DNAH7: variants seen among roughly 807,000 people sequenced by gnomAD.
DNAH7 encodes the protein axonemal beta dynein heavy chain 7.
Under a neutral mutation model 444.6 loss-of-function variants are expected in DNAH7, and 397 were observed. The ratio of observed to expected loss-of-function variants is 0.89; its 90% CI spans 0.82 to 0.97. The LOEUF is 0.97. Among genes scored for constraint, DNAH7 ranks in the 50% least tolerant of loss-of-function variants. The pLI, the probability that DNAH7 is intolerant of heterozygous loss-of-function variation, is 0.00. For missense variants in DNAH7, 4,902 were observed against 4,800.8 expected (o/e 1.02, Z -0.62); for synonymous variants, 1,636 against 1,624.4 (o/e 1.01, Z -0.17).
chr2:196,015,104 A>G (rs1694936041), intron 9 of DNAH7, among the ~76,000 whole-genome samples: 1 of 152,146 alleles, frequency 6.6e-6, no homozygotes, highest in Admixed American at 6.5e-5. Flanking sequence ...GCTGGATTCA[A>G]GTGTTACCTG....
intron 47 of DNAH7, among the ~76,000 whole-genome samples, chr2:195,835,251 A>T (rs1448694079): frequency 6.6e-6 from 1 of 152,130 alleles, no homozygotes; most frequent in Non-Finnish European, 1.5e-5. Context: ...TTCAAAAGTG[A>T]GCAGAGCATG....
At chr2:195,748,196 C>T (rs1693546069) in intron 63 of DNAH7, among the ~76,000 whole-genome samples, 1 of 152,066 alleles carries the variant, frequency 6.6e-6, no homozygotes, top group African/African-American at 2.4e-5. Context: ...CAATAACAGA[C>T]AAACAGAGAG....
chr2:195,837,345 G>A (rs1698425425), intron 47 of DNAH7, among the ~76,000 whole-genome samples: 1 of 152,154 alleles, frequency 6.6e-6, no homozygotes, highest in African/African-American at 2.4e-5. Flanking sequence ...TAACCAAGAT[G>A]GGCTGGGCTT....
At chr2:196,026,994 T>C in intron 6 of DNAH7, 54 bp from the exon 7 acceptor site, 3 of 1,391,958 alleles carry the variant, frequency 2.2e-6, no homozygotes, top group Admixed American at 2.4e-5. Context: ...AGTATGTTTA[T>C]CAAAAATAAA....
intron 10 of DNAH7, among the ~76,000 whole-genome samples, chr2:196,002,933 G>A (rs374103965): frequency 6.6e-6 from 1 of 151,788 alleles, no homozygotes; most frequent in East Asian, 1.9e-4. Context: ...GCTTGAACCT[G>A]GGAAGCAGAA....
Position 195,936,736 on chromosome 2 carries a change from T to C in DNAH7, c.3135A>G (p.Lys1045=), listed in dbSNP as rs1200783713. The change falls in exon 20 of 65, where the codon AAA becomes AAG. Residue 1045 remains lysine (K), a synonymous_variant. Coordinates refer to ENST00000312428, the MANE Select transcript of DNAH7 (RefSeq NM_018897.3). The part of the protein sequence containing the change: ...TIDRMLERLK[K]SNELLELILK... ...GAATGAGCTCCAAAAGTTCATTAGA[T>C]TTTTTCAGCCTTTCCAGCATTCTGT... The C allele has an allele frequency of 1.1e-5, 17 of 1,599,408 alleles. No homozygotes were observed. The highest frequency in any genetic ancestry group is 1.3e-5 in the African/African-American group (1 of 74,362).
chr2:195,827,481 G>T (rs1449751277), intron 48 of DNAH7, among the ~76,000 whole-genome samples: 1 of 152,038 alleles, frequency 6.6e-6, no homozygotes, highest in Non-Finnish European at 1.5e-5. Context: ...GCTTCACCAT[G>T]TTGTTGCCCA....
chr2:195,896,363 T>A (rs1158888897), intron 29 of DNAH7, among the ~76,000 whole-genome samples: 1 of 152,190 alleles, frequency 6.6e-6, no homozygotes, highest in Non-Finnish European at 1.5e-5. Flanking sequence ...AAGAGTAGTT[T>A]TTTTTTTTCA....
intron 49 of DNAH7, among the ~76,000 whole-genome samples, chr2:195,821,112 C>G (rs1697447487): frequency 6.6e-6 from 1 of 151,286 alleles, no homozygotes; most frequent in Admixed American, 6.6e-5. Flanking sequence ...GGAGCCATCA[C>G]TCTCCCTCCT....
At chr2:195,895,429 C>T (rs1032271763) in intron 29 of DNAH7, among the ~76,000 whole-genome samples, 1 of 151,802 alleles carries the variant, frequency 6.6e-6, no homozygotes, top group African/African-American at 2.4e-5. Context: ...GTTCGTTTTG[C>T]AAACAGTTTT....
In DNAH7 at chr2:195,888,447, A is replaced by G. The variant is rs189918590; in HGVS notation, c.5230-13T>C. 36 of 1,577,548 alleles carry G rather than the reference A, an allele frequency of 2.3e-5. No individual in the cohort carries two copies. In the Admixed American group the frequency reaches 7.0e-4, roughly 31 times the overall value. ...CACATCTGGAAACCTGGAAAGCCAT[A>G]ATTGGTTACCATCAAGGTAATAATG... On this transcript the variant is annotated splice_polypyrimidine_tract_variant and intron_variant, in intron 32 of 64. Transcript: ENST00000312428.
intron 58 of DNAH7, among the ~76,000 whole-genome samples, chr2:195,785,747 T>C (rs1042863534): frequency 2.0e-5 from 3 of 152,164 alleles, no homozygotes; most frequent in Non-Finnish European, 2.9e-5. Flanking sequence ...CATACCTGCA[T>C]ACTTTTAACT....
chr2:195,770,752 C>T (rs749038428), intron 61 of DNAH7, among the ~76,000 whole-genome samples: 1 of 152,042 alleles, frequency 6.6e-6, no homozygotes, highest in Non-Finnish European at 1.5e-5. Context: ...GACACAGGGT[C>T]TCACTCTGTT....
At chr2:195,874,822 AAAAC>A (rs1012428110) in intron 38 of DNAH7, among the ~76,000 whole-genome samples, 4 of 152,254 alleles carry the variant, frequency 2.6e-5, no homozygotes, top group East Asian at 1.9e-4. Flanking sequence ...CCCTGTCTCA[AAAAC>A]AAACAAACAG....
At chr2:195,862,046 G>T in intron 41 of DNAH7, 100 bp from the exon 42 acceptor site, 2 of 891,272 alleles carry the variant, frequency 2.2e-6, no homozygotes, top group Non-Finnish European at 3.5e-6. Context: ...GGGGTGAAGG[G>T]GAATAGTGTG....
At chr2:195,845,444 T>A (rs1285787822) in intron 46 of DNAH7, among the ~76,000 whole-genome samples, 1 of 152,184 alleles carries the variant, frequency 6.6e-6, no homozygotes, top group African/African-American at 2.4e-5. Flanking sequence ...ATTGTTATTA[T>A]AAAGCTTCAT....
chr2:195,917,820 A>G (rs1051983471), intron 24 of DNAH7, among the ~76,000 whole-genome samples: 3 of 151,966 alleles, frequency 2.0e-5, no homozygotes, highest in Admixed American at 6.6e-5. Context: ...ATACTTGACC[A>G]TTTTTTGTTT....
chr2:196,066,972 G>C (rs1300293698), intron 1 of DNAH7, among the ~76,000 whole-genome samples: 1 of 152,176 alleles, frequency 6.6e-6, no homozygotes, highest in Non-Finnish European at 1.5e-5. Flanking sequence ...AACCAAAACA[G>C]TGATAGAGGG....
rs535235318 is a variant in DNAH7, at chr2:195,808,855, A to G, written c.9910T>C (p.Phe3304Leu). ...AGTCCAATGCCACCAGTTAGCAGAAATCTCCACTCAGCTTTATTAATCTTT... is the reference window on the plus strand; with the variant it reads ...AGTCCAATGCCACCAGTTAGCAGAAGTCTCCACTCAGCTTTATTAATCTTT... ...ERAINKAEWR[F>L]LLTGGIGLDN... The change falls in exon 53 of 65, where the codon TTT (phenylalanine) becomes CTT (leucine). Residue 3304 changes from phenylalanine (F) to leucine (L), a missense_variant. Phe to Leu is a conservative substitution (Grantham distance 22). Coordinates refer to ENST00000312428, the MANE Select transcript of DNAH7 (RefSeq NM_018897.3). 67 of 1,613,460 alleles carry G rather than the reference A, an allele frequency of 4.2e-5. 1 individual carries two copies. In the South Asian group the frequency reaches 7.1e-4, roughly 17 times the overall value.
Sources: allele counts gnomAD v4.1 joint callset (sites outside exome capture counted in the v4.1 genomes callset), GRCh38; gene constraint gnomAD v4.1.1; transcripts MANE v1.5; gene names NCBI Gene and HGNC (gene_info 2026-07-23, HGNC 2026-07-21).